Variants in FKBP6 observed in about 807,000 individuals in gnomAD.
FKBP6 encodes FKBP prolyl isomerase family member 6 (inactive), also known as inactive peptidyl-prolyl cis-trans isomerase FKBP6.
FKBP6 carries 29 observed loss-of-function variants against 41.7 expected under a neutral mutation model. That is an observed-to-expected ratio of 0.70 (90% confidence interval 0.52 to 0.95). The LOEUF (loss-of-function observed/expected upper bound fraction) is 0.95, where lower values mean the gene tolerates loss of function less well. FKBP6 is among the 40% of genes least tolerant of loss of function. FKBP6 has a pLI of 0.00. For synonymous variants in FKBP6, 130 were observed against 165.1 expected (o/e 0.79, Z 1.63); for missense variants, 338 against 408.7 (o/e 0.83, Z 1.49).
intron 8 of FKBP6, among the ~76,000 whole-genome samples, chr7:73,349,189 C>T (rs1018544736): frequency 5.3e-5 from 8 of 151,850 alleles, no homozygotes; most frequent in African/African-American, 1.9e-4. Flanking sequence ...GCAGGTAGAT[C>T]ACCTGAGGTC....
chr7:73,340,913 CTG>C, intron 6 of FKBP6, 81 bp downstream of exon 6: 1 of 709,462 alleles, frequency 1.4e-6, no homozygotes, highest in East Asian at 3.0e-5. Context: ...TGCAAAAATG[CTG>C]TCTTTTTTTT....
At chr7:73,350,441 A>C (rs1276297742) in intron 8 of FKBP6, among the ~76,000 whole-genome samples, 1 of 152,092 alleles carries the variant, frequency 6.6e-6, no homozygotes, top group African/African-American at 2.4e-5. Flanking sequence ...ATGATGCCTG[A>C]AGCCTCAAAC....
At chr7:73,339,244 C>T (rs1378510609) in intron 5 of FKBP6, 1 of 152,194 alleles carries the variant, frequency 6.6e-6, no homozygotes, top group Non-Finnish European at 1.5e-5. Flanking sequence ...CTATGCTCCA[C>T]TTTAGTTAAT....
intron 8 of FKBP6, 82 bp from the exon 9 acceptor site, chr7:73,358,099 C>CT (rs782167051): frequency 1.4e-4 from 21 of 152,098 alleles, no homozygotes; most frequent in Non-Finnish European, 1.3e-4. Flanking sequence ...ACCTCAGCTG[C>CT]TAGCCCTCAG....
chr7:73,342,768 C>A, intron 7 of FKBP6, 39 bp from the exon 8 acceptor site: 1 of 1,424,644 alleles, frequency 7.0e-7, no homozygotes, highest in Non-Finnish European at 9.9e-7. Context: ...CTCCTCCAAA[C>A]ACAGACCTCC....
chr7:73,332,097 C>T (rs1482152880), intron 5 of FKBP6, among the ~76,000 whole-genome samples: 1 of 152,114 alleles, frequency 6.6e-6, no homozygotes, highest in African/African-American at 2.4e-5. Context: ...ATGTCCTGAC[C>T]TCGTGATCTG....
At chr7:73,336,799 G>A (rs1409066225) in intron 5 of FKBP6, 2 of 456,510 alleles carry the variant, frequency 4.4e-6, no homozygotes, top group Non-Finnish European at 8.8e-6. Flanking sequence ...TGTTAACAGG[G>A]TCCAGGAATG....
At chr7:73,346,242 G>A (rs1036125921) in intron 8 of FKBP6, among the ~76,000 whole-genome samples, 3 of 152,328 alleles carry the variant, frequency 2.0e-5, no homozygotes, top group Non-Finnish European at 2.9e-5. Flanking sequence ...GCCCTGCCCC[G>A]CGTGGCCCGC....
intron 8 of FKBP6, among the ~76,000 whole-genome samples, chr7:73,349,884 A>G (rs1280717585): frequency 6.6e-6 from 1 of 152,124 alleles, no homozygotes; most frequent in Admixed American, 6.6e-5. Context: ...GGTGATTGCC[A>G]GTTGAAGGTT....
intron 8 of FKBP6, among the ~76,000 whole-genome samples, chr7:73,356,099 G>A (rs1219258064): frequency 6.8e-6 from 1 of 147,112 alleles, no homozygotes; most frequent in Non-Finnish European, 1.5e-5. Context: ...AAAAGTGAGT[G>A]TATATGTAAC....
Position 73,340,710 on chromosome 7 carries a change from G to C in FKBP6, c.661G>C (p.Val221Leu), listed in dbSNP as rs1554549336. The change falls in exon 6 of 9, where the codon GTT becomes CTT. Residue 221 changes from valine (V) to leucine (L), a missense_variant. Around this residue, in one of 2 missense-constraint regions of FKBP6, gnomAD observed 239 missense variants for 250.1 expected, o/e 0.96. Transcript: ENST00000252037. The stretch of plus-strand genomic sequence containing the variant: ...CCTGGTGGAGGCCGCCAAGCTTCCT[G>C]TTCTCCTGAACCTGTCCTTTACATA... ...QHLVEAAKLPVLLNLSFTYLK... is the reference protein window; with the variant it reads ...QHLVEAAKLPLLLNLSFTYLK... 6.2e-7 allele frequency: 1 copy of C among 1,613,958 alleles called. No homozygotes were observed. Among genetic ancestry groups the C allele is most frequent in the African/African-American group, 1.3e-5 (1 of 74,968 alleles).
chr7:73,341,281 T>C lies in FKBP6; in HGVS notation c.792T>C (p.Leu264=), dbSNP rs556020153. ...KALFRCGQAC[L]LLTEYQKARD... is the part of the protein sequence containing the mutation. Reference sequence around the variant, plus strand: ...TTCTCTCCTTGGGACAGGCTTGTCTTCTCCTGACTGAGTATCAAAAGGCCC... The same window carrying C: ...TTCTCTCCTTGGGACAGGCTTGTCTCCTCCTGACTGAGTATCAAAAGGCCC... The change falls in exon 7 of 9, where the codon CTT becomes CTC. Residue 264 remains leucine (L), a synonymous_variant. Coordinates refer to ENST00000252037, the MANE Select transcript of FKBP6 (RefSeq NM_003602.5). 44 of 1,609,230 alleles carry C rather than the reference T, an allele frequency of 2.7e-5. 2 individuals are homozygous for C. In the South Asian group the frequency reaches 3.8e-4, roughly 14 times the overall value.
chr7:73,353,867 G>C (rs1554551476), intron 8 of FKBP6, among the ~76,000 whole-genome samples: 1 of 151,910 alleles, frequency 6.6e-6, no homozygotes, highest in African/African-American at 2.4e-5. Flanking sequence ...CCCAGTAGCT[G>C]GGATTACAGG....
intron 5 of FKBP6, among the ~76,000 whole-genome samples, chr7:73,336,158 T>G (rs1284867373): frequency 6.6e-6 from 1 of 152,188 alleles, no homozygotes; most frequent in Non-Finnish European, 1.5e-5. Context: ...CATGTGATAT[T>G]AAGAGGTGAG....
rs1335869595 is a variant in FKBP6 at position 73,356,816 on chromosome 7, T to C, written c.*3-1365T>C. On this transcript the variant is annotated intron_variant, in intron 8 of 8. Coordinates refer to ENST00000252037, the MANE Select transcript of FKBP6 (RefSeq NM_003602.5). ...CCCTCACAAGACAGAGTTTCACTCT[T>C]GTCACCCAGGCTGGAGTACAGTGGC... Among the ~76,000 whole-genome samples the C allele has an allele frequency of 2.0e-5, 3 of 152,220 alleles. No individual in the cohort carries two copies. In the East Asian group the frequency reaches 5.8e-4, roughly 29 times the overall value.
intron 8 of FKBP6, among the ~76,000 whole-genome samples, chr7:73,346,647 C>T (rs1484124650): frequency 6.6e-6 from 1 of 152,118 alleles, no homozygotes; most frequent in Non-Finnish European, 1.5e-5. Context: ...AGCGTGGGGA[C>T]ACATTTAAAG....
At chr7:73,329,505 A>AT in intron 3 of FKBP6, 56 bp downstream of exon 3, 6 of 1,062,164 alleles carry the variant, frequency 5.6e-6, no homozygotes, top group South Asian at 1.2e-5. Flanking sequence ...TAGATGAGGC[A>AT]CGATGCCTCA....
At chr7:73,339,955 A>C (rs1554549161) in intron 5 of FKBP6, among the ~76,000 whole-genome samples, 1 of 152,248 alleles carries the variant, frequency 6.6e-6, no homozygotes, top group Non-Finnish European at 1.5e-5. Flanking sequence ...TCTACAAAAA[A>C]GGCTGTTGAA....
intron 4 of FKBP6, 141 bp from the exon 5 acceptor site, chr7:73,331,516 A>T: frequency 1.3e-6 from 1 of 782,810 alleles, no homozygotes; most frequent in Non-Finnish European, 2.2e-6. Context: ...TCTTTCAATT[A>T]CTATTTTTTT....
Sources: gnomAD v4.1 joint callset for allele counts (sites outside exome capture counted in the v4.1 genomes callset) on GRCh38, gnomAD v4.1.1 for gene constraint, gnomAD v4.1.1 regional missense constraint, MANE v1.5 for transcripts, NCBI Gene and HGNC (gene_info 2026-07-23, HGNC 2026-07-21) for gene names.